RALYL: variants seen among roughly 807,000 people sequenced by gnomAD.
The protein encoded by RALYL is RALY RNA binding protein like.
RALYL carries 29 observed loss-of-function variants against 35.1 expected under a neutral mutation model. That is an observed-to-expected ratio of 0.83 (90% CI 0.61 to 1.13). The LOEUF (loss-of-function observed/expected upper bound fraction) is 1.13. Ranked by LOEUF, RALYL falls within the 50% of genes most tolerant of loss-of-function variation. The pLI is 0.00. For synonymous variants in RALYL, 120 were observed against 127.6 expected, an observed-to-expected ratio of 0.94 and a Z score of 0.40; for missense variants, 359 against 360.4, an observed-to-expected ratio of 1.00 and a Z score of 0.03.
rs550067790 is a variant in RALYL, at chr8:84,589,721, C to T, written c.256+60144C>T. On this transcript the variant is annotated intron_variant, in intron 2 of 8. Transcript: ENST00000521268. ...AACATCAGAACCAGAGGGCAAATGC[C>T]AACCTAAATTAACTCTCTGTGTCAC... Among the ~76,000 whole-genome samples the T allele has an allele frequency of 5.3e-5, 8 of 152,126 alleles. No homozygotes were observed. The East Asian group carries it at 1.5e-3, about 29-fold the overall frequency.
At chr8:84,189,720 AT>A in intron 1 of RALYL, among the ~76,000 whole-genome samples, 1 of 149,132 alleles carries the variant, frequency 6.7e-6, no homozygotes, top group Non-Finnish European at 1.5e-5. Context: ...TGTGGAGATG[AT>A]TTTTTTGTTT....
chr8:84,712,999 C>T (rs1564417736), intron 2 of RALYL, among the ~76,000 whole-genome samples: 2 of 151,872 alleles, frequency 1.3e-5, no homozygotes, highest in Non-Finnish European at 2.9e-5. Context: ...CTTGTATTAC[C>T]TGTACTTTTG....
intron 1 of RALYL, among the ~76,000 whole-genome samples, chr8:84,202,587 T>C (rs1817132999): frequency 6.6e-6 from 1 of 152,074 alleles, no homozygotes; most frequent in African/African-American, 2.4e-5. Flanking sequence ...TTGGCCAGGC[T>C]GGTCTTGAAT....
At chr8:84,890,693 T>C (rs891664108) in intron 8 of RALYL, among the ~76,000 whole-genome samples, 4 of 152,174 alleles carry the variant, frequency 2.6e-5, no homozygotes, top group Non-Finnish European at 4.4e-5. Context: ...CTTTGAGAAC[T>C]ACTGTTATCA....
intron 1 of RALYL, among the ~76,000 whole-genome samples, chr8:84,306,581 G>A (rs1322800017): frequency 1.3e-5 from 2 of 152,068 alleles, no homozygotes; most frequent in African/African-American, 4.8e-5. Flanking sequence ...ATACCTCTCA[G>A]GGGACAGCCT....
intron 1 of RALYL, among the ~76,000 whole-genome samples, chr8:84,471,440 A>G (rs1247676333): frequency 9.2e-5 from 14 of 151,848 alleles, no homozygotes; most frequent in Admixed American, 9.2e-4. Context: ...AAAAAAAAAA[A>G]AAACTTAGCT....
chr8:84,273,572 A>G (rs1426527263), intron 1 of RALYL, among the ~76,000 whole-genome samples: 1 of 152,248 alleles, frequency 6.6e-6, no homozygotes, highest in African/African-American at 2.4e-5. Context: ...AGGTGGAGTC[A>G]TCATACCATC....
At chr8:84,767,606 G>A (rs980693751) in intron 2 of RALYL, among the ~76,000 whole-genome samples, 2 of 152,128 alleles carry the variant, frequency 1.3e-5, no homozygotes, top group Non-Finnish European at 2.9e-5. Flanking sequence ...AAGTGGGGGC[G>A]TGCCAGGCAT....
chr8:84,853,623 CTG>C (rs1836332916), intron 5 of RALYL, among the ~76,000 whole-genome samples: 1 of 152,306 alleles, frequency 6.6e-6, no homozygotes, highest in African/African-American at 2.4e-5. Flanking sequence ...ACTGAGCAGT[CTG>C]TGCTCTCGTT....
chr8:84,488,446 C>T (rs1338136273), intron 1 of RALYL, among the ~76,000 whole-genome samples: 1 of 152,030 alleles, frequency 6.6e-6, no homozygotes, highest in African/African-American at 2.4e-5. Flanking sequence ...AATGTCTCTG[C>T]ATCCTGTTGT....
chr8:84,526,321 T>C (rs1587989473), intron 1 of RALYL, among the ~76,000 whole-genome samples: 1 of 152,186 alleles, frequency 6.6e-6, no homozygotes, highest in Non-Finnish European at 1.5e-5. Flanking sequence ...TCTGGTTTAG[T>C]TGGATCATCT....
chr8:84,647,340 T>C (rs1402275201), intron 2 of RALYL, among the ~76,000 whole-genome samples: 1 of 151,986 alleles, frequency 6.6e-6, no homozygotes, highest in Non-Finnish European at 1.5e-5. Context: ...AGCTGGACTA[T>C]GGATGTGCAG....
intron 2 of RALYL, among the ~76,000 whole-genome samples, chr8:84,742,250 A>C (rs1278003117): frequency 6.6e-6 from 1 of 151,976 alleles, no homozygotes; most frequent in Non-Finnish European, 1.5e-5. Flanking sequence ...ATGTAATAGC[A>C]AAATTTTCTG....
intron 1 of RALYL, among the ~76,000 whole-genome samples, chr8:84,494,490 G>A (rs2055762479): frequency 1.3e-5 from 2 of 151,988 alleles, no homozygotes; most frequent in Non-Finnish European, 2.9e-5. Flanking sequence ...AAATTACTTT[G>A]GGCAGTATGG....
intron 1 of RALYL, among the ~76,000 whole-genome samples, chr8:84,441,644 A>C (rs2048344466): frequency 6.6e-6 from 1 of 152,132 alleles, no homozygotes; most frequent in Non-Finnish European, 1.5e-5. Flanking sequence ...TCGGAGCTAG[A>C]AGAACCAAAA....
intron 2 of RALYL, among the ~76,000 whole-genome samples, chr8:84,599,889 A>G (rs1815494654): frequency 6.7e-6 from 1 of 150,330 alleles, no homozygotes; most frequent in African/African-American, 2.4e-5. Context: ...GGATGTGAGA[A>G]ACTTGTTCAG....
chr8:84,630,882 A>C (rs1823775001), intron 2 of RALYL, among the ~76,000 whole-genome samples: 1 of 152,022 alleles, frequency 6.6e-6, no homozygotes, highest in Non-Finnish European at 1.5e-5. Flanking sequence ...AAGAAGAAAA[A>C]CTTGCAAATT....
chr8:84,204,949 C>T (rs1817719276), intron 1 of RALYL, among the ~76,000 whole-genome samples: 1 of 152,094 alleles, frequency 6.6e-6, no homozygotes, highest in South Asian at 2.1e-4. Context: ...AGATGATAAA[C>T]TGGAGGCTCA....
chr8:84,823,640 CCTT>C (rs1037202266), intron 4 of RALYL, among the ~76,000 whole-genome samples: 19 of 151,978 alleles, frequency 1.3e-4, no homozygotes, highest in African/African-American at 4.6e-4. Flanking sequence ...CCCACCTCTG[CCTT>C]CTTCTCTTAC....
Sources: gnomAD v4.1 joint callset for allele counts (sites outside exome capture counted in the v4.1 genomes callset) on GRCh38, gnomAD v4.1.1 for gene constraint, MANE v1.5 for transcripts, NCBI Gene and HGNC (gene_info 2026-07-23, HGNC 2026-07-21) for gene names.